The following EYA1 variants were observed in gnomAD, a reference collection of about 807,000 sequenced individuals.
EYA1 encodes protein phosphatase EYA1.
EYA1 carries 16 observed loss-of-function variants against 82.0 expected under a neutral mutation model. The ratio of observed to expected loss-of-function variants is 0.20; its 90% CI spans 0.13 to 0.30. EYA1 has a LOEUF of 0.30. Among genes scored for constraint, EYA1 ranks in the 10% least tolerant of loss-of-function variants. The pLI is 1.00. For missense variants in EYA1, 633 were observed against 730.7 expected (o/e 0.87, Z 1.54); for synonymous variants, 261 against 264.4 (o/e 0.99, Z 0.12).
chr8:71,324,745 G>A lies in EYA1; in HGVS notation c.203-2477C>T, dbSNP rs117719349. 4.1e-4 allele frequency among the ~76,000 whole-genome samples: 63 copies of A among 152,254 alleles called. No individual in the cohort carries two copies. In the East Asian group the frequency reaches 9.1e-3, roughly 22 times the overall value. On this transcript the variant is annotated intron_variant, in intron 4 of 17. Transcript: ENST00000340726. ...AGCATACTGTCTTCCGACCCCCTGC[G>A]TGGAAATTAGAACTTCACAGCCATC... is the stretch of plus-strand genomic sequence containing the variant.
intron 11 of EYA1, among the ~76,000 whole-genome samples, chr8:71,253,496 T>C (rs183294628): frequency 4.0e-4 from 61 of 152,330 alleles, no homozygotes; most frequent in African/African-American, 1.4e-3. Flanking sequence ...TGTAAATAGT[T>C]GATTACTTCC....
Position 71,207,751 on chromosome 8 carries a change from G to GAAAACACAAATATCAGAGTTTATTATCA in EYA1, c.1698+3377_1698+3404dup, listed in dbSNP as rs561823541. 3.9e-4 allele frequency among the ~76,000 whole-genome samples: 59 copies of GAAAACACAAATATCAGAGTTTATTATCA among 151,328 alleles called. No homozygotes were observed. In the East Asian group the frequency reaches 9.5e-3, roughly 24 times the overall value. ...TCTGTAATTGCTGATTGGTTGTTGA[G>GAAAACACAAATATCAGAGTTTATTATCA]AAAACACAAATATCAGAGTTTATTA... On this transcript the variant is annotated intron_variant, in intron 17 of 17. Coordinates refer to ENST00000340726, the MANE Select transcript of EYA1 (RefSeq NM_000503.6).
chr8:71,361,312 GAA>G (rs1827352501), intron 1 of EYA1, among the ~76,000 whole-genome samples: 1 of 152,144 alleles, frequency 6.6e-6, no homozygotes, highest in South Asian at 2.1e-4. Flanking sequence ...CAGCAATTCA[GAA>G]AAGAGATATG....
At chr8:71,467,955 C>A (rs991156762) in intron 2 of EYA1, among the ~76,000 whole-genome samples, 1 of 152,006 alleles carries the variant, frequency 6.6e-6, no homozygotes, top group African/African-American at 2.4e-5. Flanking sequence ...TGAACACTAG[C>A]AGGAAAGGTG....
intron 2 of EYA1, among the ~76,000 whole-genome samples, chr8:71,457,261 A>G (rs2129185935): frequency 6.6e-6 from 1 of 152,322 alleles, no homozygotes; most frequent in Middle Eastern, 3.4e-3. Context: ...TCAGGAAACA[A>G]CAGATGCTGG....
intron 7 of EYA1, among the ~76,000 whole-genome samples, chr8:71,315,852 T>C (rs1821872444): frequency 6.6e-6 from 1 of 152,218 alleles, no homozygotes; most frequent in Non-Finnish European, 1.5e-5. Flanking sequence ...TTTTATTTTA[T>C]AATCACTGAA....
At chr8:71,292,932 T>C (rs904645401) in intron 9 of EYA1, among the ~76,000 whole-genome samples, 2 of 151,418 alleles carry the variant, frequency 1.3e-5, no homozygotes, top group Non-Finnish European at 3.0e-5. Flanking sequence ...CAGAAAAAAA[T>C]TATGAAATAA....
intron 2 of EYA1, among the ~76,000 whole-genome samples, chr8:71,434,975 C>T (rs1662482841): frequency 6.6e-6 from 1 of 152,092 alleles, no homozygotes; most frequent in Admixed American, 6.6e-5. Flanking sequence ...TGTACACACA[C>T]ACACACATAT....
intron 2 of EYA1, among the ~76,000 whole-genome samples, chr8:71,452,931 CA>C (rs1807516236): frequency 6.6e-6 from 1 of 152,144 alleles, no homozygotes; most frequent in Non-Finnish European, 1.5e-5. Context: ...ATGACTTTGA[CA>C]AGTTGAGAGA....
chr8:71,474,766 T>A (rs912686756), intron 2 of EYA1, among the ~76,000 whole-genome samples: 2 of 152,194 alleles, frequency 1.3e-5, no homozygotes, highest in Admixed American at 6.5e-5. Context: ...ATGTACATGT[T>A]TAGCAACAGG....
chr8:71,240,795 G>A (rs2128897208), intron 12 of EYA1, among the ~76,000 whole-genome samples: 1 of 152,330 alleles, frequency 6.6e-6, no homozygotes, highest in East Asian at 1.9e-4. Context: ...CAGGAGAACT[G>A]ACCAGCAGCA....
intron 11 of EYA1, among the ~76,000 whole-genome samples, chr8:71,255,624 A>G (rs373380148): frequency 5.1e-4 from 78 of 152,322 alleles, no homozygotes; most frequent in African/African-American, 1.8e-3. Context: ...TAAATGAAAG[A>G]CCTAAAATAT....
At position 71,531,901 on chromosome 8, in the gene EYA1, T is replaced by C. The variant is rs75936267; in HGVS notation, c.33+3843A>G. On this transcript the variant is annotated intron_variant, in intron 2 of 18. Transcript: ENST00000643681. ...ACACGTGTTACTGACTCTTCCTAAA[T>C]GTGGGAGACACATAAGCAGAACCTT... Among the ~76,000 whole-genome samples the C allele has an allele frequency of 6.7e-3, 1,028 of 152,298 alleles. 11 individuals are homozygous for C. Among genetic ancestry groups the C allele is most frequent in the African/African-American group, 0.023 (948 of 41,562 alleles).
intron 1 of EYA1, among the ~76,000 whole-genome samples, chr8:71,360,304 T>A (rs566761547): frequency 2.7e-4 from 41 of 152,390 alleles, no homozygotes; most frequent in African/African-American, 9.6e-4. Flanking sequence ...AAATGTTGAA[T>A]GAAATACTTT....
At chr8:71,449,742 T>C (rs1002322448) in intron 2 of EYA1, among the ~76,000 whole-genome samples, 4 of 152,220 alleles carry the variant, frequency 2.6e-5, no homozygotes, top group African/African-American at 9.6e-5. Flanking sequence ...GACTTCTCTT[T>C]AGCTGTGAAA....
intron 2 of EYA1, among the ~76,000 whole-genome samples, chr8:71,511,970 C>T (rs554345283): frequency 9.2e-5 from 14 of 152,146 alleles, no homozygotes; most frequent in African/African-American, 3.4e-4. Flanking sequence ...GAACCAGTGC[C>T]CTCAATAGTA....
intron 9 of EYA1, among the ~76,000 whole-genome samples, chr8:71,279,479 G>A (rs1280391517): frequency 5.9e-5 from 9 of 152,214 alleles, no homozygotes; most frequent in Non-Finnish European, 8.8e-5. Flanking sequence ...TAGTTCTTCC[G>A]TGGCATTCCC....
intron 1 of EYA1, among the ~76,000 whole-genome samples, chr8:71,544,547 A>G (rs1242621433): frequency 6.6e-6 from 1 of 152,126 alleles, no homozygotes; most frequent in Non-Finnish European, 1.5e-5. Flanking sequence ...TCTAAGGTCA[A>G]TTTTTCTTCT....
At chr8:71,248,895 G>C (rs997511677) in intron 11 of EYA1, among the ~76,000 whole-genome samples, 2 of 152,094 alleles carry the variant, frequency 1.3e-5, no homozygotes, top group South Asian at 4.1e-4. Flanking sequence ...AAAAAAACAC[G>C]TTCTTAAACC....
Sources: gnomAD v4.1 joint callset for allele counts (sites outside exome capture counted in the v4.1 genomes callset) on GRCh38, gnomAD v4.1.1 for gene constraint, MANE v1.5 for transcripts, NCBI Gene and HGNC (gene_info 2026-07-23, HGNC 2026-07-21) for gene names.